Variants in HIP1 observed in about 807,000 individuals in gnomAD.
HIP1 encodes huntingtin interacting protein 1, also known as huntingtin-interacting protein 1.
Under a neutral mutation model 147.6 loss-of-function variants are expected in HIP1, and 65 were observed. The observed-to-expected ratio is 0.44, with a 90% CI of 0.36 to 0.54. The LOEUF (loss-of-function observed/expected upper bound fraction) is 0.54. Ranked by LOEUF, HIP1 falls within the 20% of genes least tolerant of loss-of-function variation. The probability of loss-of-function intolerance (pLI) is 0.00; values close to 1 mark genes in which losing one functional copy is unlikely to be tolerated. For synonymous variants in HIP1, 479 were observed against 504.0 expected (o/e 0.95, Z 0.67); for missense variants, 1,061 against 1,299.6 (o/e 0.82, Z 2.82).
chr7:75,603,343 CAAA>C (rs10546584), intron 1 of HIP1, among the ~76,000 whole-genome samples: 16,604 of 127,480 alleles, frequency 0.13, 1,147 homozygotes, highest in African/African-American at 0.2. Flanking sequence ...GCGAGACTCT[CAAA>C]AAAAAAAAAA....
intron 21 of HIP1, 41 bp from the exon 22 acceptor site, chr7:75,553,630 A>T: frequency 6.3e-7 from 1 of 1,591,870 alleles, no homozygotes; most frequent in Non-Finnish European, 8.6e-7. Context: ...TTTGAGATGG[A>T]GTCTCGCTCT....
intron 1 of HIP1, among the ~76,000 whole-genome samples, chr7:75,689,112 G>C (rs1554517891): frequency 6.6e-6 from 1 of 152,086 alleles, no homozygotes; most frequent in Non-Finnish European, 1.5e-5. Flanking sequence ...CACTTTGGGA[G>C]GCCAAGGTGG....
At chr7:75,643,907 G>A (rs1554510766) in intron 1 of HIP1, among the ~76,000 whole-genome samples, 1 of 152,176 alleles carries the variant, frequency 6.6e-6, no homozygotes, top group Admixed American at 6.5e-5. Context: ...GGTTGAGACA[G>A]GAGAATCACT....
intron 1 of HIP1, among the ~76,000 whole-genome samples, chr7:75,620,055 A>G (rs1201181560): frequency 6.6e-6 from 1 of 152,192 alleles, no homozygotes; most frequent in Non-Finnish European, 1.5e-5. Flanking sequence ...CATTCGACAT[A>G]TATTTCTGGA....
intron 1 of HIP1, chr7:75,626,688 A>G (rs1798051309): frequency 6.6e-6 from 1 of 152,184 alleles, no homozygotes; most frequent in African/African-American, 2.4e-5. Context: ...GTGATATATT[A>G]TTTCTAGATC....
chr7:75,571,170 A>G (rs1437032374), intron 8 of HIP1, among the ~76,000 whole-genome samples: 1 of 152,060 alleles, frequency 6.6e-6, no homozygotes, highest in Non-Finnish European at 1.5e-5. Context: ...CTCTTCTCAT[A>G]ACTCCCTCAG....
At chr7:75,639,998 C>A (rs560259681) in intron 1 of HIP1, among the ~76,000 whole-genome samples, 2 of 152,292 alleles carry the variant, frequency 1.3e-5, no homozygotes, top group Non-Finnish European at 2.9e-5. Context: ...CTGCCCTGAG[C>A]TGGGAGCTCC....
In HIP1 at chr7:75,534,862, A is replaced by G. The variant is rs910710205; in HGVS notation, c.*3310T>C. 1 of 206,586 alleles carries G rather than the reference A, an allele frequency of 4.8e-6. No homozygotes were observed. Among genetic ancestry groups the G allele is most frequent in the Non-Finnish European group, 9.9e-6 (1 of 101,194 alleles). 12.8% of individuals were successfully genotyped at this position (206,586 alleles called of 1,614,324 possible). ...TAAGCCATGATTTTGTTGCTGTCCC[A>G]TCTTGTCATGACCCATTTACGCTCA... On this transcript the variant is annotated 3_prime_UTR_variant, in exon 31 of 31. Coordinates refer to ENST00000336926, the MANE Select transcript of HIP1 (RefSeq NM_005338.7).
chr7:75,572,185 T>C (rs958491386), intron 8 of HIP1, among the ~76,000 whole-genome samples: 11 of 150,310 alleles, frequency 7.3e-5, no homozygotes, highest in African/African-American at 2.5e-4. Flanking sequence ...GATCATGCCA[T>C]TGCACTCTAG....
intron 24 of HIP1, 88 bp from the exon 25 acceptor site, chr7:75,547,120 G>T: frequency 8.9e-7 from 1 of 1,122,382 alleles, no homozygotes; most frequent in Non-Finnish European, 1.3e-6. Flanking sequence ...CTAGCCAAAG[G>T]CAAGCTTGGA....
intron 1 of HIP1, among the ~76,000 whole-genome samples, chr7:75,615,084 T>C (rs1372327434): frequency 6.6e-6 from 1 of 151,988 alleles, no homozygotes; most frequent in Non-Finnish European, 1.5e-5. Flanking sequence ...AGAAACTGAT[T>C]TTACTGAATA....
At chr7:75,545,362 C>T (rs1794515902) in intron 25 of HIP1, among the ~76,000 whole-genome samples, 174 bp from the exon 26 acceptor site, 3 of 152,160 alleles carry the variant, frequency 2.0e-5, no homozygotes, top group Admixed American at 2.0e-4. Flanking sequence ...GCTTTTCCAG[C>T]TGGGTGCAGT....
At chr7:75,671,351 C>T (rs983307958) in intron 1 of HIP1, among the ~76,000 whole-genome samples, 1 of 152,140 alleles carries the variant, frequency 6.6e-6, no homozygotes, top group Non-Finnish European at 1.5e-5. Context: ...GCCTTGGCCT[C>T]CCAAAGTGCT....
intron 1 of HIP1, among the ~76,000 whole-genome samples, chr7:75,732,493 G>T (rs1801869079): frequency 6.6e-6 from 1 of 152,002 alleles, no homozygotes. Context: ...GTCTCTGCCT[G>T]CCGAGTAGCT....
chr7:75,574,010 C>T (rs1273479052), intron 7 of HIP1, 109 bp from the exon 8 acceptor site: 26 of 836,712 alleles, frequency 3.1e-5, no homozygotes, highest in African/African-American at 8.5e-5. Flanking sequence ...CGATTCTGTG[C>T]GTGCTTTACC....
intron 22 of HIP1, among the ~76,000 whole-genome samples, chr7:75,551,237 G>A (rs587606518): frequency 6.7e-4 from 75 of 111,990 alleles, no homozygotes; most frequent in Middle Eastern, 0.012. Flanking sequence ...TCACTCTGTC[G>A]CCCAGGCTGG....
intron 7 of HIP1, among the ~76,000 whole-genome samples, chr7:75,580,165 T>C (rs1335836922): frequency 6.6e-6 from 1 of 152,186 alleles, no homozygotes; most frequent in Non-Finnish European, 1.5e-5. Flanking sequence ...CAGTCCTGGG[T>C]GACAACCAAT....
At chr7:75,578,931 T>C (rs1228782317) in intron 7 of HIP1, among the ~76,000 whole-genome samples, 2 of 152,042 alleles carry the variant, frequency 1.3e-5, no homozygotes, top group Non-Finnish European at 2.9e-5. Context: ...TTCTCCTGCC[T>C]CAGCCATCTG....
intron 1 of HIP1, among the ~76,000 whole-genome samples, chr7:75,685,887 T>C (rs1800245790): frequency 6.6e-6 from 1 of 151,758 alleles, no homozygotes; most frequent in African/African-American, 2.4e-5. Context: ...ATTCTGCCTG[T>C]GGCCTTTTTT....
Sources: allele counts gnomAD v4.1 joint callset (sites outside exome capture counted in the v4.1 genomes callset), GRCh38; gene constraint gnomAD v4.1.1; transcripts MANE v1.5; gene names NCBI Gene and HGNC (gene_info 2026-07-23, HGNC 2026-07-21).